Variants in SRBD1 observed in about 807,000 individuals in gnomAD.
SRBD1 encodes S1 RNA binding domain 1, also known as S1 RNA-binding domain-containing protein 1.
Under a neutral mutation model 115.3 loss-of-function variants are expected in SRBD1, and 88 were observed. That is an observed-to-expected ratio of 0.76 (90% CI 0.64 to 0.91). The LOEUF (loss-of-function observed/expected upper bound fraction) is 0.91, where lower values mean the gene tolerates loss of function less well. Among genes scored for constraint, SRBD1 ranks in the 40% least tolerant of loss-of-function variants. SRBD1 has a pLI of 0.00. For synonymous variants in SRBD1, 509 were observed against 407.7 expected (o/e 1.25, Z -2.99); for missense variants, 1,385 against 1,177.4 (o/e 1.18, Z -2.58).
intron 16 of SRBD1, among the ~76,000 whole-genome samples, chr2:45,429,420 A>G (rs1218911840): frequency 2.0e-5 from 3 of 152,162 alleles, no homozygotes; most frequent in Admixed American, 1.3e-4. Context: ...ACTGATTCCA[A>G]CAGTACATCA....
intron 16 of SRBD1, among the ~76,000 whole-genome samples, chr2:45,473,808 G>C (rs531895126): frequency 1.4e-4 from 21 of 152,190 alleles, no homozygotes; most frequent in African/African-American, 5.1e-4. Flanking sequence ...CTTTACTTCT[G>C]CATTCATAAG....
intron 4 of SRBD1, among the ~76,000 whole-genome samples, chr2:45,590,000 GA>G (rs1673668061): frequency 6.6e-6 from 1 of 152,164 alleles, no homozygotes; most frequent in Non-Finnish European, 1.5e-5. Context: ...TGCAGCAATG[GA>G]AAAGCAAAAA....
rs773544451 is a variant in SRBD1 at position 45,419,888 on chromosome 2, C to T, written c.2056G>A (p.Val686Ile). ...GTTGCCTTGAGTAAAGTCTGGGATA[C>T]GTCATGCTGAAAAGACAAAGATCAA... ...HIGVGMYQHD[V>I]SQTLLKATLD... Residue 686 changes from valine (V) to isoleucine (I), a missense_variant, in exon 17 of 21, where the codon GTA (valine) becomes ATA (isoleucine). Transcript: ENST00000263736. 5.6e-6 allele frequency: 9 copies of T among 1,612,530 alleles called. No homozygotes were observed. The highest frequency in any genetic ancestry group is 2.2e-5 in the South Asian group (2 of 91,050).
At chr2:45,570,862 G>C (rs528890878) in intron 9 of SRBD1, among the ~76,000 whole-genome samples, 21 of 152,184 alleles carry the variant, frequency 1.4e-4, no homozygotes, top group Non-Finnish European at 2.4e-4. Flanking sequence ...ACATGCCTTG[G>C]AACTTACTCA....
At chr2:45,408,270 G>C (rs1667494343) in intron 19 of SRBD1, among the ~76,000 whole-genome samples, 1 of 152,140 alleles carries the variant, frequency 6.6e-6, no homozygotes, top group Non-Finnish European at 1.5e-5. Flanking sequence ...TTTAAACTAA[G>C]CGTACTTGAT....
intron 14 of SRBD1, among the ~76,000 whole-genome samples, chr2:45,541,881 TCCATGGGCAG>T (rs1409087139): frequency 1.3e-5 from 2 of 152,196 alleles, no homozygotes; most frequent in Non-Finnish European, 2.9e-5. Flanking sequence ...TGCTGATTGG[TCCATGGGCAG>T]CCATGGGCAT....
chr2:45,576,372 C>A (rs1363740196), intron 7 of SRBD1, among the ~76,000 whole-genome samples: 1 of 149,706 alleles, frequency 6.7e-6, no homozygotes, highest in African/African-American at 2.5e-5. Flanking sequence ...AGGCTATTAA[C>A]AATTAAGTTT....
chr2:45,494,500 A>C (rs1670395234), intron 14 of SRBD1, among the ~76,000 whole-genome samples: 2 of 152,236 alleles, frequency 1.3e-5, no homozygotes, highest in Admixed American at 1.3e-4. Flanking sequence ...TTATGATAAC[A>C]TAAAAGAAAG....
chr2:45,532,910 A>C (rs906298287), intron 14 of SRBD1, among the ~76,000 whole-genome samples: 2 of 152,102 alleles, frequency 1.3e-5, no homozygotes, highest in Non-Finnish European at 2.9e-5. Context: ...TATATAACCA[A>C]AAGAAAAGGA....
chr2:45,503,828 G>T (rs932736969), intron 14 of SRBD1, among the ~76,000 whole-genome samples: 1 of 152,142 alleles, frequency 6.6e-6, no homozygotes, highest in Non-Finnish European at 1.5e-5. Context: ...AATCCAAAGA[G>T]GAGGAGGCTT....
intron 11 of SRBD1, among the ~76,000 whole-genome samples, chr2:45,553,055 G>C (rs2117854): frequency 4.3e-4 from 65 of 152,260 alleles, no homozygotes; most frequent in Admixed American, 1.0e-3. Context: ...GCAAAAACAA[G>C]GGTTACAGAG....
intron 16 of SRBD1, among the ~76,000 whole-genome samples, chr2:45,458,854 G>C (rs1049117714): frequency 2.0e-5 from 3 of 152,030 alleles, no homozygotes; most frequent in African/African-American, 7.3e-5. Flanking sequence ...TGACTACAGG[G>C]GAATCACTAA....
chr2:45,411,306 AG>A (rs1366973034), intron 19 of SRBD1, among the ~76,000 whole-genome samples: 1 of 152,224 alleles, frequency 6.6e-6, no homozygotes, highest in Non-Finnish European at 1.5e-5. Flanking sequence ...AGTATAAAAA[AG>A]TTTGGTATTT....
chr2:45,457,548 G>T (rs1413440223), intron 16 of SRBD1, among the ~76,000 whole-genome samples: 1 of 151,768 alleles, frequency 6.6e-6, no homozygotes, highest in Non-Finnish European at 1.5e-5. Context: ...CAACTTCATG[G>T]TATAGCTAAT....
At chr2:45,449,343 C>T (rs1280248812) in intron 16 of SRBD1, among the ~76,000 whole-genome samples, 1 of 152,092 alleles carries the variant, frequency 6.6e-6, no homozygotes, top group African/African-American at 2.4e-5. Flanking sequence ...TTTTGGCTAC[C>T]TGTTTACCGA....
intron 16 of SRBD1, among the ~76,000 whole-genome samples, chr2:45,449,330 C>A (rs946148451): frequency 6.6e-6 from 1 of 152,126 alleles, no homozygotes; most frequent in African/African-American, 2.4e-5. Context: ...CAGAGGAATG[C>A]CCTTTTGGCT....
Position 45,556,448 on chromosome 2 carries a change from C to T in SRBD1, c.1410-2718G>A, listed in dbSNP as rs1426080420. Among the ~76,000 whole-genome samples the T allele has an allele frequency of 1.5e-3, 115 of 78,818 alleles. 3 individuals are homozygous for T. Among genetic ancestry groups the T allele is most frequent in the Non-Finnish European group, 2.0e-3 (88 of 44,618 alleles). 51.7% of individuals were successfully genotyped at this position (78,818 alleles called of 152,430 possible). A position where few individuals can be genotyped will look rare whatever the true frequency, so the allele number is the denominator to read the frequency against. On this transcript the variant is annotated intron_variant, in intron 10 of 20. Coordinates refer to ENST00000263736, the MANE Select transcript of SRBD1 (RefSeq NM_018079.5). ...ATCTGTTCTGCTCTATGCTCTATTA[C>T]TTTTTTTTTTTTTTTTTTTTTTTTT... is the stretch of plus-strand genomic sequence containing the variant.
intron 8 of SRBD1, among the ~76,000 whole-genome samples, 193 bp downstream of exon 8, chr2:45,574,434 A>G (rs1389487817): frequency 6.6e-6 from 1 of 152,248 alleles, no homozygotes. Context: ...CTCCCTGTCC[A>G]GAATTCAATT....
At chr2:45,440,898 C>T (rs1668650507) in intron 16 of SRBD1, among the ~76,000 whole-genome samples, 1 of 152,054 alleles carries the variant, frequency 6.6e-6, no homozygotes, top group South Asian at 2.1e-4. Context: ...AATTATTTGT[C>T]TGTTTGAGGA....
Sources: allele counts gnomAD v4.1 joint callset (sites outside exome capture counted in the v4.1 genomes callset), GRCh38; gene constraint gnomAD v4.1.1; transcripts MANE v1.5; gene names NCBI Gene and HGNC (gene_info 2026-07-23, HGNC 2026-07-21).